Variants in PCNP observed in about 807,000 individuals in gnomAD.
PCNP encodes the protein PEST proteolytic signal-containing nuclear protein.
In PCNP, 6 loss-of-function variants were observed where a neutral mutation model predicts 21.8. The observed-to-expected ratio is 0.28, with a 90% CI of 0.15 to 0.54. PCNP has a LOEUF of 0.54. Among genes scored for constraint, PCNP ranks in the 20% least tolerant of loss-of-function variants. PCNP has a pLI of 0.95. For synonymous variants in PCNP, 67 were observed against 73.2 expected (o/e 0.92, Z 0.43); for missense variants, 161 against 215.5 (o/e 0.75, Z 1.58).
At position 101,574,196 on chromosome 3, in the gene PCNP, G is replaced by A; in HGVS notation, c.-20G>A. Reference sequence around the variant, plus strand: ...CGTGACGTCCTTGGCGTGGCTGCAGGGGAGGCCGCGGCGGGGAAAATGGCG... The same window carrying A: ...CGTGACGTCCTTGGCGTGGCTGCAGAGGAGGCCGCGGCGGGGAAAATGGCG... On this transcript the variant is annotated 5_prime_UTR_variant, in exon 1 of 5. Transcript: ENST00000265260. 1 of 1,549,484 alleles carries A rather than the reference G, an allele frequency of 6.5e-7. No individual in the cohort carries two copies. The highest frequency in any genetic ancestry group is 8.7e-7 in the Non-Finnish European group (1 of 1,145,924).
rs190902504 is a variant in PCNP, at chr3:101,594,069, T to C, written c.*1316T>C. ...TATATTTGGAGGCAGCTTCAGACTG[T>C]TTTATTGGTGGTAGCTGCTTGCTGA... On this transcript the variant is annotated 3_prime_UTR_variant, in exon 5 of 5. Coordinates refer to ENST00000265260, the MANE Select transcript of PCNP (RefSeq NM_020357.3). 6.6e-5 allele frequency: 10 copies of C among 152,596 alleles called. No homozygotes were observed. Among genetic ancestry groups the C allele is most frequent in the African/African-American group, 2.4e-4 (10 of 41,584 alleles). 9.5% of individuals were successfully genotyped at this position (152,596 alleles called of 1,614,324 possible).
chr3:101,583,016 T>C (rs148363561), intron 2 of PCNP, among the ~76,000 whole-genome samples: 296 of 152,214 alleles, frequency 1.9e-3, no homozygotes, highest in African/African-American at 6.9e-3. Flanking sequence ...ATATAGATGG[T>C]TGGTGGGAAG....
chr3:101,593,261 T>G lies in PCNP; in HGVS notation c.*508T>G, dbSNP rs1281753651. 1 of 152,624 alleles carries G rather than the reference T, an allele frequency of 6.6e-6. No individual in the cohort carries two copies. Among genetic ancestry groups the G allele is most frequent in the Non-Finnish European group, 1.5e-5 (1 of 68,046 alleles). 9.5% of individuals were successfully genotyped at this position (152,624 alleles called of 1,614,324 possible). On this transcript the variant is annotated 3_prime_UTR_variant, in exon 5 of 5. Transcript: ENST00000265260. ...ATACAGCTTTTTTCCTTATGGGCATTTGTTTTGTTTCAAGTCATCATAAAC... is the reference window on the plus strand; with the variant it reads ...ATACAGCTTTTTTCCTTATGGGCATGTGTTTTGTTTCAAGTCATCATAAAC...
intron 2 of PCNP, among the ~76,000 whole-genome samples, chr3:101,584,821 C>T (rs1020052285): frequency 3.9e-5 from 6 of 152,160 alleles, no homozygotes; most frequent in South Asian, 2.1e-4. Flanking sequence ...GCCAACATGG[C>T]GAAACCTCGT....
intron 1 of PCNP, among the ~76,000 whole-genome samples, chr3:101,576,219 G>GT (rs36064906): frequency 0.14 from 19,901 of 141,466 alleles, 1,467 homozygotes; most frequent in South Asian, 0.2. Flanking sequence ...GGAAGTATAA[G>GT]TTTTTTTTTT....
At chr3:101,591,112 A>G (rs1293916514) in intron 4 of PCNP, among the ~76,000 whole-genome samples, 1 of 152,168 alleles carries the variant, frequency 6.6e-6, no homozygotes, top group African/African-American at 2.4e-5. Context: ...ACTTTATCTT[A>G]TATTTCTTTT....
In PCNP at chr3:101,594,009, C is replaced by T. The variant is rs1245879776; in HGVS notation, c.*1256C>T. 1 of 152,508 alleles carries T rather than the reference C, an allele frequency of 6.6e-6. No individual in the cohort carries two copies. Among genetic ancestry groups the T allele is most frequent in the Non-Finnish European group, 1.5e-5 (1 of 68,030 alleles). 9.4% of individuals were successfully genotyped at this position (152,508 alleles called of 1,614,324 possible). A position where few individuals can be genotyped will look rare whatever the true frequency, so the allele number is the denominator to read the frequency against. On this transcript the variant is annotated 3_prime_UTR_variant, in exon 5 of 5. Coordinates refer to ENST00000265260, the MANE Select transcript of PCNP (RefSeq NM_020357.3). Reference sequence around the variant, plus strand: ...AAGCATAGTCACAGACAAAAGCATACAGTATAAAAATTTCCTTGAAAACTC... The same window carrying T: ...AAGCATAGTCACAGACAAAAGCATATAGTATAAAAATTTCCTTGAAAACTC...
rs541685011 is a variant in PCNP, at chr3:101,590,543, C to G, written c.410+273C>G. 1.8e-4 allele frequency among the ~76,000 whole-genome samples: 27 copies of G among 152,198 alleles called. No homozygotes were observed. In the East Asian group the frequency reaches 5.0e-3, roughly 28 times the overall value. On this transcript the variant is annotated intron_variant, in intron 4 of 4. Coordinates refer to ENST00000265260, the MANE Select transcript of PCNP (RefSeq NM_020357.3). ...AGAAAATGAGTATCTTAAGACATAA[C>G]AATAATTTAAGACTACTTCTTGACA...
At chr3:101,591,996 A>G in intron 4 of PCNP, among the ~76,000 whole-genome samples, 1 of 151,882 alleles carries the variant, frequency 6.6e-6, no homozygotes. Context: ...GGGAGGCAAC[A>G]GTTTTTAAAA....
chr3:101,589,665 G>C (rs1271672421), intron 3 of PCNP: 1 of 153,914 alleles, frequency 6.5e-6, no homozygotes, highest in Non-Finnish European at 1.4e-5. Context: ...ACTCACCTCA[G>C]CCTTCCAAAG....
At chr3:101,590,112 G>A in intron 3 of PCNP, 103 bp from the exon 4 acceptor site, 1 of 690,046 alleles carries the variant, frequency 1.4e-6, no homozygotes, top group South Asian at 1.7e-5. Context: ...ATTTACAGTA[G>A]TGAAAATGCT....
intron 2 of PCNP, among the ~76,000 whole-genome samples, chr3:101,583,817 A>ATTTTTTTT (rs564200727): frequency 9.6e-6 from 1 of 104,054 alleles, no homozygotes; most frequent in African/African-American, 3.9e-5. Flanking sequence ...TATCCAGCTA[A>ATTTTTTTT]TTTTTTTTTT....
chr3:101,584,700 G>T (rs748127085), intron 2 of PCNP, among the ~76,000 whole-genome samples: 1 of 152,080 alleles, frequency 6.6e-6, no homozygotes, highest in Non-Finnish European at 1.5e-5. Context: ...AAGTAACTAG[G>T]ATTACAGGCA....
chr3:101,576,325 C>T (rs563951897), intron 1 of PCNP, among the ~76,000 whole-genome samples: 3 of 151,668 alleles, frequency 2.0e-5, no homozygotes, highest in Admixed American at 6.6e-5. Context: ...AACTCCGTCT[C>T]CCCGATTCAA....
At position 101,593,177 on chromosome 3, in the gene PCNP, A is replaced by T. The variant is rs1471856479; in HGVS notation, c.*424A>T. On this transcript the variant is annotated 3_prime_UTR_variant, in exon 5 of 5. Transcript: ENST00000265260. The stretch of plus-strand genomic sequence containing the variant: ...CAGGAACAGCCTTATAGAGAGAGGG[A>T]GTATTGTATTGGGAAGAAAATGTTA... 1 of 152,904 alleles carries T rather than the reference A, an allele frequency of 6.5e-6. No homozygotes were observed. The highest frequency in any genetic ancestry group is 2.4e-5 in the African/African-American group (1 of 41,458). 9.5% of individuals were successfully genotyped at this position (152,904 alleles called of 1,614,324 possible).
At chr3:101,574,104 C>A, upstream of PCNP, 27 of 1,440,358 alleles carry the variant, frequency 1.9e-5, no homozygotes, top group Non-Finnish European at 2.5e-5. Flanking sequence ...CTTTTCATTC[C>A]TCGGGACCGC....
intron 4 of PCNP, among the ~76,000 whole-genome samples, chr3:101,590,492 A>G (rs968113315): frequency 6.6e-6 from 1 of 152,226 alleles, no homozygotes; most frequent in African/African-American, 2.4e-5. Flanking sequence ...GTGAACTATC[A>G]GTGATCTTAT....
chr3:101,583,552 G>A (rs575054831), intron 2 of PCNP, among the ~76,000 whole-genome samples: 16 of 152,286 alleles, frequency 1.1e-4, no homozygotes, highest in African/African-American at 3.8e-4. Context: ...GGAGGTCGAG[G>A]CTGCAGTGAG....
intron 1 of PCNP, 73 bp downstream of exon 1, chr3:101,574,352 A>C: frequency 9.3e-5 from 50 of 539,048 alleles, no homozygotes; most frequent in Non-Finnish European, 1.4e-4. Context: ...GGGTGGGGGG[A>C]GTGGGGTGGG....
Sources: gnomAD v4.1 joint callset for allele counts (sites outside exome capture counted in the v4.1 genomes callset) on GRCh38, gnomAD v4.1.1 for gene constraint, MANE v1.5 for transcripts, NCBI Gene and HGNC (gene_info 2026-07-23, HGNC 2026-07-21) for gene names.